BBX: variants seen among roughly 807,000 people sequenced by gnomAD.
The protein encoded by BBX is BBX high mobility group box domain containing.
A neutral mutation model predicts 100.2 loss-of-function variants in BBX; 30 were observed. The ratio of observed to expected loss-of-function variants is 0.30; its 90% CI spans 0.22 to 0.41. The LOEUF (loss-of-function observed/expected upper bound fraction) is 0.41, where lower values mean the gene tolerates loss of function less well. BBX is among the 10% of genes least tolerant of loss of function. BBX has a pLI of 1.00. For missense variants in BBX, 1,023 were observed against 1,129.8 expected (o/e 0.91, Z 1.35); for synonymous variants, 376 against 388.1 (o/e 0.97, Z 0.37).
At chr3:107,737,673 T>C (rs1216706913) in intron 7 of BBX, among the ~76,000 whole-genome samples, 1 of 152,154 alleles carries the variant, frequency 6.6e-6, no homozygotes, top group Non-Finnish European at 1.5e-5. Flanking sequence ...GAAGCTGATA[T>C]TGTCTTAAGG....
intron 2 of BBX, among the ~76,000 whole-genome samples, chr3:107,550,551 G>A (rs369517693): frequency 4.6e-5 from 7 of 152,276 alleles, no homozygotes; most frequent in South Asian, 2.1e-4. Flanking sequence ...GGGGTAAACC[G>A]CAAGCAATGG....
chr3:107,720,221 C>A (rs1467270734), intron 5 of BBX, among the ~76,000 whole-genome samples: 1 of 151,978 alleles, frequency 6.6e-6, no homozygotes, highest in South Asian at 2.1e-4. Context: ...GTTATTCTTT[C>A]CCATTTGACT....
chr3:107,730,130 A>G (rs927966436), intron 6 of BBX, among the ~76,000 whole-genome samples: 2 of 152,146 alleles, frequency 1.3e-5, no homozygotes, highest in African/African-American at 2.4e-5. Context: ...TAGGGCGGAA[A>G]AAAGGATTCA....
chr3:107,774,604 T>A (rs2067177471), intron 11 of BBX, 115 bp from the exon 12 acceptor site: 3 of 1,130,390 alleles, frequency 2.7e-6, no homozygotes, highest in Non-Finnish European at 3.7e-6. Context: ...ATAGCTACAG[T>A]TAGCTTCATG....
At chr3:107,615,280 G>C (rs749604922) in intron 2 of BBX, among the ~76,000 whole-genome samples, 1 of 152,152 alleles carries the variant, frequency 6.6e-6, no homozygotes, top group Non-Finnish European at 1.5e-5. Context: ...ACACCAGCTT[G>C]AGCATCTGGG....
intron 3 of BBX, among the ~76,000 whole-genome samples, chr3:107,653,386 T>C (rs2057958397): frequency 6.6e-6 from 1 of 152,108 alleles, no homozygotes; most frequent in African/African-American, 2.4e-5. Flanking sequence ...GGCAGGCACT[T>C]TGGTTCATGT....
intron 3 of BBX, among the ~76,000 whole-genome samples, chr3:107,695,935 G>A (rs565165611): frequency 3.7e-4 from 56 of 151,808 alleles, no homozygotes; most frequent in Non-Finnish European, 6.2e-4. Context: ...GAATTGATCC[G>A]TTTACCATTA....
chr3:107,776,396 G>T (rs994474706), intron 12 of BBX: 1 of 152,148 alleles, frequency 6.6e-6, no homozygotes, highest in African/African-American at 2.4e-5. Context: ...TCTGAGGAAG[G>T]CACATGTGTA....
At chr3:107,545,363 A>T (rs2049157069) in intron 2 of BBX, among the ~76,000 whole-genome samples, 1 of 152,246 alleles carries the variant, frequency 6.6e-6, no homozygotes, top group Non-Finnish European at 1.5e-5. Context: ...GCAATCTGTG[A>T]TGAGGAAAGT....
chr3:107,757,559 T>G (rs2065580905), intron 10 of BBX, among the ~76,000 whole-genome samples: 1 of 152,188 alleles, frequency 6.6e-6, no homozygotes, highest in Non-Finnish European at 1.5e-5. Flanking sequence ...AAAGAAAACT[T>G]TCTGGCATTG....
At chr3:107,693,914 A>T (rs1559982876) in intron 3 of BBX, among the ~76,000 whole-genome samples, 1 of 151,042 alleles carries the variant, frequency 6.6e-6, no homozygotes, top group Non-Finnish European at 1.5e-5. Flanking sequence ...GGTCCTTCAC[A>T]TCCCTTGTAA....
At chr3:107,707,695 A>G (rs1482463610) in intron 3 of BBX, among the ~76,000 whole-genome samples, 1 of 152,220 alleles carries the variant, frequency 6.6e-6, no homozygotes. Context: ...CGTGGGAAGA[A>G]TTAGAAATGA....
chr3:107,655,692 T>G (rs908481876), intron 3 of BBX, among the ~76,000 whole-genome samples: 1 of 151,106 alleles, frequency 6.6e-6, no homozygotes, highest in Non-Finnish European at 1.5e-5. Flanking sequence ...TAAGTTTCTT[T>G]AAATTTATTT....
chr3:107,691,220 T>C (rs1318754423), intron 3 of BBX, among the ~76,000 whole-genome samples: 3 of 152,090 alleles, frequency 2.0e-5, no homozygotes, highest in African/African-American at 7.2e-5. Context: ...TCTCGTACTT[T>C]TTAAAAGAGA....
intron 2 of BBX, among the ~76,000 whole-genome samples, chr3:107,541,582 A>G (rs1337707353): frequency 6.6e-6 from 1 of 152,240 alleles, no homozygotes; most frequent in African/African-American, 2.4e-5. Flanking sequence ...TATAGTGACC[A>G]CATACTGACA....
chr3:107,630,000 C>G (rs1321379409), intron 2 of BBX, among the ~76,000 whole-genome samples: 1 of 152,058 alleles, frequency 6.6e-6, no homozygotes, highest in East Asian at 1.9e-4. Flanking sequence ...TTACCTGTGA[C>G]CGTTTTAAAC....
At chr3:107,715,228 TATC>T (rs1282908515) in intron 4 of BBX, among the ~76,000 whole-genome samples, 1 of 152,172 alleles carries the variant, frequency 6.6e-6, no homozygotes, top group Non-Finnish European at 1.5e-5. Context: ...AAACCAGTAA[TATC>T]AGCATCACCT....
intron 3 of BBX, chr3:107,657,311 T>G (rs961931494): frequency 1.3e-5 from 2 of 152,214 alleles, no homozygotes; most frequent in Non-Finnish European, 2.9e-5. Flanking sequence ...GTCTTTCCCA[T>G]TTACGGGGCA....
chr3:107,550,788 A>G (rs1370935592), intron 2 of BBX, among the ~76,000 whole-genome samples: 1 of 152,144 alleles, frequency 6.6e-6, no homozygotes, highest in Non-Finnish European at 1.5e-5. Context: ...TCAGATGAGG[A>G]GACTATTACA....
Sources: gnomAD v4.1 joint callset for allele counts (sites outside exome capture counted in the v4.1 genomes callset) on GRCh38, gnomAD v4.1.1 for gene constraint, MANE v1.5 for transcripts, NCBI Gene and HGNC (gene_info 2026-07-23, HGNC 2026-07-21) for gene names.